SI: variants seen among roughly 807,000 people sequenced by gnomAD.
SI encodes sucrase-isomaltase, intestinal.
A neutral mutation model predicts 253.3 loss-of-function variants in SI; 235 were observed. The observed-to-expected ratio is 0.93, with a 90% confidence interval of 0.83 to 1.03. The LOEUF is 1.03. Among genes scored for constraint, SI ranks in the 50% least tolerant of loss-of-function variants. SI has a pLI of 0.00. For synonymous variants in SI, 819 were observed against 712.0 expected (o/e 1.15, Z -2.39); for missense variants, 2,442 against 2,211.1 (o/e 1.10, Z -2.09).
chr3:165,034,975 T>G (rs1327757190), intron 22 of SI, among the ~76,000 whole-genome samples: 1 of 151,958 alleles, frequency 6.6e-6, no homozygotes, highest in South Asian at 2.1e-4. Context: ...GGGGAACTGA[T>G]GAGAGGCTTC....
At chr3:164,996,350 T>A (rs143467541) in intron 40 of SI, among the ~76,000 whole-genome samples, 185 bp downstream of exon 40, 2 of 151,738 alleles carry the variant, frequency 1.3e-5, no homozygotes, top group Non-Finnish European at 2.9e-5. Flanking sequence ...GTTCCTACTC[T>A]TCCATAATTT....
chr3:165,000,165 TTGTCAC>T (rs1286514749), intron 37 of SI, among the ~76,000 whole-genome samples: 1 of 151,474 alleles, frequency 6.6e-6, no homozygotes, highest in Non-Finnish European at 1.5e-5. Context: ...AAGGACAGTG[TTGTCAC>T]AAATTCTTCA....
chr3:165,040,474 A>T (rs577410067), intron 18 of SI, among the ~76,000 whole-genome samples: 78 of 152,130 alleles, frequency 5.1e-4, no homozygotes, highest in African/African-American at 1.8e-3. Context: ...TTCTTCACTT[A>T]ACTTTTTTGT....
intron 25 of SI, among the ~76,000 whole-genome samples, 163 bp downstream of exon 25, chr3:165,030,549 A>T (rs1712174863): frequency 6.6e-6 from 1 of 151,008 alleles, no homozygotes; most frequent in African/African-American, 2.4e-5. Flanking sequence ...ATTAATTAAG[A>T]TAAAAGTGAA....
At chr3:165,052,453 C>T (rs539677801) in intron 13 of SI, among the ~76,000 whole-genome samples, 5 of 152,098 alleles carry the variant, frequency 3.3e-5, no homozygotes, top group African/African-American at 9.6e-5. Context: ...TCCAGGAGTT[C>T]CAGACCAGCC....
chr3:165,059,752 G>A (rs1713896014), intron 10 of SI, 150 bp downstream of exon 10: 5 of 795,618 alleles, frequency 6.3e-6, no homozygotes, highest in Admixed American at 2.1e-5. Flanking sequence ...CATTACATAT[G>A]AGATAAAATA....
In SI at chr3:165,042,870, T is replaced by C. The variant is rs201227763; in HGVS notation, c.2004+189A>G. On this transcript the variant is annotated intron_variant, in intron 17 of 47. Coordinates refer to ENST00000264382, the MANE Select transcript of SI (RefSeq NM_001041.4). Reference sequence around the variant, plus strand: ...ACATTGCATTTCATGATTTCCTTATTTGACCGTTTTTTAAAAAATGTAAAA... The same window carrying C: ...ACATTGCATTTCATGATTTCCTTATCTGACCGTTTTTTAAAAAATGTAAAA... Among the ~76,000 whole-genome samples, 5 of 152,188 alleles carry C rather than the reference T, an allele frequency of 3.3e-5. No homozygotes were observed. The East Asian group carries it at 7.7e-4, about 24-fold the overall frequency.
intron 8 of SI, among the ~76,000 whole-genome samples, chr3:165,062,736 TGTTGCAAAGGGTTA>T (rs1231039064): frequency 6.6e-6 from 1 of 152,084 alleles, no homozygotes; most frequent in South Asian, 2.1e-4. Flanking sequence ...CTGGATATTG[TGTTGCAAAGGGTTA>T]GTTGCAAAGG....
At position 165,037,963 on chromosome 3, in the gene SI, C is replaced by A. The variant is rs865803822; in HGVS notation, c.2363G>T (p.Gly788Val). The stretch of plus-strand genomic sequence containing the variant: ...GATATAACCTCCTCTAAGATGTAAT[C>A]CTATTTTGTCTGCTGGAAGATACAT... ...VDMYLPADKI[G>V]LHLRGGYIIP... Residue 788 changes from glycine to valine, a missense_variant, in exon 21 of 48, where the codon GGA becomes GTA. Physicochemically the swap from Gly to Val is moderately radical, Grantham distance 109. Coordinates refer to ENST00000264382, the MANE Select transcript of SI (RefSeq NM_001041.4). 1 of 1,611,444 alleles carries A rather than the reference C, an allele frequency of 6.2e-7. No individual in the cohort carries two copies. Among genetic ancestry groups the A allele is most frequent in the Non-Finnish European group, 8.5e-7 (1 of 1,178,388 alleles).
intron 25 of SI, 26 bp downstream of exon 25, chr3:165,030,686 T>A (rs761705024): frequency 6.2e-7 from 1 of 1,601,912 alleles, no homozygotes; most frequent in South Asian, 1.1e-5. Context: ...AACCATATCA[T>A]GAGTAATAGT....
intron 3 of SI, among the ~76,000 whole-genome samples, chr3:165,070,997 C>T (rs1406709964): frequency 1.3e-5 from 2 of 151,992 alleles, no homozygotes; most frequent in Non-Finnish European, 2.9e-5. Flanking sequence ...ATTTTTGCTT[C>T]CATTTCACAG....
chr3:165,018,529 T>C lies in SI; in HGVS notation c.3424-463A>G, dbSNP rs188434593. 7.4e-4 allele frequency among the ~76,000 whole-genome samples: 112 copies of C among 150,680 alleles called. 2 individuals are homozygous for C. Among genetic ancestry groups the C allele is most frequent in the African/African-American group, 2.3e-3 (95 of 41,370 alleles). ...TAAACTGTCCAGAAAATATCTTGTTTATATATTTTATATTTATAGAACATT... is the reference window on the plus strand; with the variant it reads ...TAAACTGTCCAGAAAATATCTTGTTCATATATTTTATATTTATAGAACATT... On this transcript the variant is annotated intron_variant, in intron 28 of 47. Transcript: ENST00000264382.
At chr3:165,058,805 G>T (rs940644596) in intron 12 of SI, among the ~76,000 whole-genome samples, 158 bp downstream of exon 12, 1 of 149,642 alleles carries the variant, frequency 6.7e-6, no homozygotes, top group African/African-American at 2.5e-5. Context: ...TAGTTTCTTT[G>T]TCTAATATTT....
intron 17 of SI, among the ~76,000 whole-genome samples, chr3:165,041,835 T>C (rs566770528): frequency 6.6e-6 from 1 of 152,216 alleles, no homozygotes; most frequent in African/African-American, 2.4e-5. Flanking sequence ...CTGAAAACCA[T>C]GTTTCCCAGT....
Position 165,067,479 on chromosome 3 carries a change from T to C in SI, c.496A>G (p.Asn166Asp), listed in dbSNP as rs1376817660. ...NRFRFKITDPNNRRYEVPHQY... is the reference protein window; with the variant it reads ...NRFRFKITDPDNRRYEVPHQY... The stretch of plus-strand genomic sequence containing the variant: ...TGAGGAACTTCATATCTTCTATTAT[T>C]TGGATCAGTAATCTGGAAAGATTTA... Residue 166 changes from asparagine (N) to aspartate (D), a missense_variant, in exon 6 of 48, where the codon AAT becomes GAT. Asn to Asp is a conservative substitution (Grantham distance 23). Coordinates refer to ENST00000264382, the MANE Select transcript of SI (RefSeq NM_001041.4). 6.2e-7 allele frequency: 1 copy of C among 1,609,526 alleles called. No individual in the cohort carries two copies. The highest frequency in any genetic ancestry group is 8.5e-7 in the Non-Finnish European group (1 of 1,176,156).
At chr3:165,050,501 C>G (rs1713372079) in intron 13 of SI, among the ~76,000 whole-genome samples, 1 of 152,042 alleles carries the variant, frequency 6.6e-6, no homozygotes, top group Admixed American at 6.6e-5. Flanking sequence ...GATTTTCTAG[C>G]CATTTTAACA....
At chr3:165,053,968 C>T (rs1713562223) in intron 13 of SI, among the ~76,000 whole-genome samples, 1 of 151,888 alleles carries the variant, frequency 6.6e-6, no homozygotes, top group Admixed American at 6.6e-5. Context: ...TAACTGAAGG[C>T]TTTTCATCTT....
chr3:165,054,330 A>G (rs1713579598), intron 13 of SI, among the ~76,000 whole-genome samples: 1 of 152,044 alleles, frequency 6.6e-6, no homozygotes, highest in South Asian at 2.1e-4. Flanking sequence ...ATCAATAACT[A>G]CAGATACACA....
chr3:165,082,363 C>A (rs780330515), upstream of SI, among the ~76,000 whole-genome samples: 1 of 151,872 alleles, frequency 6.6e-6, no homozygotes, highest in Non-Finnish European at 1.5e-5. Context: ...TAACTGGTCT[C>A]CCAAACTCCA....
Sources: gnomAD v4.1 joint callset for allele counts (sites outside exome capture counted in the v4.1 genomes callset) on GRCh38, gnomAD v4.1.1 for gene constraint, MANE v1.5 for transcripts, NCBI Gene and HGNC (gene_info 2026-07-23, HGNC 2026-07-21) for gene names.